Variants in PLCB4 observed in about 807,000 individuals in gnomAD.
The protein encoded by PLCB4 is phospholipase C beta 4, also known as 1-phosphatidylinositol 4,5-bisphosphate phosphodiesterase beta-4.
In PLCB4, 77 loss-of-function variants were observed where a neutral mutation model predicts 178.8. The observed-to-expected ratio is 0.43, with a 90% CI of 0.36 to 0.52. The LOEUF is 0.52. PLCB4 is among the 20% of genes least tolerant of loss of function. PLCB4 has a pLI of 0.00. For missense variants in PLCB4, 1,024 were observed against 1,453.4 expected (o/e 0.70, Z 4.80); for synonymous variants, 496 against 490.8 (o/e 1.01, Z -0.14).
At chr20:9,290,083 G>A (rs552531340) in intron 3 of PLCB4, among the ~76,000 whole-genome samples, 4 of 151,506 alleles carry the variant, frequency 2.6e-5, no homozygotes, top group East Asian at 2.0e-4. Context: ...AGGTCAGGCC[G>A]TTGAGTTCTC....
At chr20:9,385,074 A>G (rs1311880249) in intron 14 of PLCB4, among the ~76,000 whole-genome samples, 1 of 152,184 alleles carries the variant, frequency 6.6e-6, no homozygotes, top group African/African-American at 2.4e-5. Context: ...CCCTTAATCC[A>G]TTTAACCCTG....
At chr20:9,363,849 A>C (rs536619501) in intron 8 of PLCB4, among the ~76,000 whole-genome samples, 1 of 152,322 alleles carries the variant, frequency 6.6e-6, no homozygotes, top group South Asian at 2.1e-4. Flanking sequence ...GTGATTCATC[A>C]TACTCACTTG....
chr20:9,337,977 C>T lies in PLCB4; in HGVS notation c.166-31C>T, dbSNP rs1184159966. The T allele has an allele frequency of 3.2e-6, 5 of 1,569,418 alleles. No individual in the cohort carries two copies. The Admixed American group carries it at 5.0e-5, about 16-fold the overall frequency. On this transcript the variant is annotated intron_variant, in intron 5 of 39. Transcript: ENST00000378473. ...TATCATAGGTATGGCATAATTTAAG[C>T]TCATTGCTGTGTTGTATTCTCTCTC...
intron 17 of PLCB4, 78 bp from the exon 18 acceptor site, chr20:9,393,510 C>T: frequency 1.0e-6 from 1 of 975,220 alleles, no homozygotes; most frequent in South Asian, 1.4e-5. Flanking sequence ...CCCAGGCCTC[C>T]CAGGCTCCTC....
At chr20:9,156,089 A>T (rs540081822) in intron 2 of PLCB4, among the ~76,000 whole-genome samples, 1 of 152,316 alleles carries the variant, frequency 6.6e-6, no homozygotes, top group South Asian at 2.1e-4. Flanking sequence ...TTAAAAAATT[A>T]TGATGGTCAC....
rs527288752 is a variant in PLCB4 at position 9,206,603 on chromosome 20, G to C, written c.-78-10787G>C. On this transcript the variant is annotated intron_variant, in intron 2 of 39. Coordinates refer to ENST00000378473, the MANE Select transcript of PLCB4 (RefSeq NM_001377142.1). ...ACACTTCAGAGCAGATTAGAACTGA[G>C]GTAAAGGAGACTACCATTTTCAATT... Among the ~76,000 whole-genome samples, 10 of 152,254 alleles carry C rather than the reference G, an allele frequency of 6.6e-5. No individual in the cohort carries two copies. The South Asian group carries it at 1.7e-3, about 25-fold the overall frequency.
At chr20:9,441,577 T>C (rs1304171273) in intron 30 of PLCB4, among the ~76,000 whole-genome samples, 1 of 152,164 alleles carries the variant, frequency 6.6e-6, no homozygotes. Context: ...CAGTTGCCAG[T>C]AGGCACCTGG....
intron 38 of PLCB4, among the ~76,000 whole-genome samples, chr20:9,475,704 A>G (rs1603113777): frequency 6.6e-6 from 1 of 152,314 alleles, no homozygotes; most frequent in Non-Finnish European, 1.5e-5. Context: ...TCAATCCCAG[A>G]TCTTTCTAGT....
Position 9,093,312 on chromosome 20 carries a change from G to A in PLCB4, c.-134-2975G>A, listed in dbSNP as rs981015271. On this transcript the variant is annotated intron_variant, in intron 1 of 39. Coordinates refer to ENST00000378473, the MANE Select transcript of PLCB4 (RefSeq NM_001377142.1). ...CTGACCTCCGTCATGTAACTCGTTC[G>A]TAATTATTAACCCTACCCTCCCTCC... Among the ~76,000 whole-genome samples the A allele has an allele frequency of 1.4e-4, 21 of 152,086 alleles. 1 individual carries two copies. Among genetic ancestry groups the A allele is most frequent in the Admixed American group, 9.8e-4 (15 of 15,250 alleles).
At chr20:9,274,640 C>G (rs534521413) in intron 3 of PLCB4, among the ~76,000 whole-genome samples, 1 of 152,222 alleles carries the variant, frequency 6.6e-6, no homozygotes, top group Non-Finnish European at 1.5e-5. Context: ...AAAATATCTT[C>G]TGTCCTACGA....
chr20:9,093,158 C>T lies in PLCB4; in HGVS notation c.-134-3129C>T, dbSNP rs1600347111. ...CATTGCAAATTTAATAAAACTAGTC[C>T]TCATATTATGGCTGCATGAATGTAA... is the stretch of plus-strand genomic sequence containing the variant. On this transcript the variant is annotated intron_variant, in intron 1 of 39. Transcript: ENST00000378473. Among the ~76,000 whole-genome samples the T allele has an allele frequency of 5.3e-5, 8 of 152,212 alleles. 1 individual carries two copies.
At position 9,178,790 on chromosome 20, in the gene PLCB4, TAA is replaced by T. The variant is rs984609530; in HGVS notation, c.-78-38597_-78-38596del. On this transcript the variant is annotated intron_variant, in intron 2 of 39. Coordinates refer to ENST00000378473, the MANE Select transcript of PLCB4 (RefSeq NM_001377142.1). ...TATATAGGGATATATGATAGATCAATAAAATACTTTTAGCCACAAAAATGTAT... is the reference window on the plus strand; with the variant it reads ...TATATAGGGATATATGATAGATCAATAATACTTTTAGCCACAAAAATGTAT... Among the ~76,000 whole-genome samples, 19 of 152,056 alleles carry T rather than the reference TAA, an allele frequency of 1.2e-4. 1 individual carries two copies. The highest frequency in any genetic ancestry group is 4.6e-4 in the African/African-American group (19 of 41,422).
At chr20:9,146,538 G>A (rs1254997216) in intron 2 of PLCB4, among the ~76,000 whole-genome samples, 1 of 151,858 alleles carries the variant, frequency 6.6e-6, no homozygotes, top group Non-Finnish European at 1.5e-5. Context: ...GAATTGGGCA[G>A]CATCAGGTAG....
Position 9,365,458 on chromosome 20 carries a change from C to A in PLCB4, c.450-3C>A. 6.3e-7 allele frequency: 1 copy of A among 1,598,562 alleles called. No individual in the cohort carries two copies. Among genetic ancestry groups the A allele is most frequent in the Non-Finnish European group, 8.6e-7 (1 of 1,166,290 alleles). ...AGGCAATGTTATTGCTATTGTTTTGCAGCTGGATGAAATTGGCATTTATGA... is the reference window on the plus strand; with the variant it reads ...AGGCAATGTTATTGCTATTGTTTTGAAGCTGGATGAAATTGGCATTTATGA... On this transcript the variant is annotated splice_region_variant and splice_polypyrimidine_tract_variant and intron_variant, in intron 8 of 39. Coordinates refer to ENST00000378473, the MANE Select transcript of PLCB4 (RefSeq NM_001377142.1).
intron 7 of PLCB4, among the ~76,000 whole-genome samples, chr20:9,357,161 A>C (rs2034905906): frequency 6.6e-6 from 1 of 152,150 alleles, no homozygotes; most frequent in Non-Finnish European, 1.5e-5. Flanking sequence ...AAATTAATTG[A>C]TCTAGATTTG....
intron 5 of PLCB4, among the ~76,000 whole-genome samples, chr20:9,337,778 C>G (rs907196360): frequency 6.6e-6 from 1 of 152,022 alleles, no homozygotes; most frequent in Non-Finnish European, 1.5e-5. Context: ...CAGCATTGCA[C>G]ATATATATGT....
chr20:9,440,547 C>G (rs1332842253), intron 30 of PLCB4, among the ~76,000 whole-genome samples: 1 of 152,134 alleles, frequency 6.6e-6, no homozygotes, highest in Admixed American at 6.5e-5. Flanking sequence ...TGTCAGGTTC[C>G]TTGATGAGTC....
In PLCB4 at chr20:9,353,541, T is replaced by C. The variant is rs561464402; in HGVS notation, c.370-9355T>C. Among the ~76,000 whole-genome samples the C allele has an allele frequency of 1.6e-4, 24 of 152,368 alleles. No homozygotes were observed. The Middle Eastern group carries it at 0.017, about 108-fold the overall frequency. ...GTTATACAAACAAACATTAGTGGTT[T>C]TGTTCCTTTTTAATTTTAGGCTGGA... On this transcript the variant is annotated intron_variant, in intron 7 of 39. Transcript: ENST00000378473.
At chr20:9,249,726 A>G (rs541301359) in intron 3 of PLCB4, among the ~76,000 whole-genome samples, 1 of 152,094 alleles carries the variant, frequency 6.6e-6, no homozygotes, top group African/African-American at 2.4e-5. Context: ...CATCCCCTAA[A>G]CCAGAAATGA....
Sources: allele counts gnomAD v4.1 joint callset (sites outside exome capture counted in the v4.1 genomes callset), GRCh38; gene constraint gnomAD v4.1.1; transcripts MANE v1.5; gene names NCBI Gene and HGNC (gene_info 2026-07-23, HGNC 2026-07-21).